The following SMARCAD1 variants were observed in gnomAD, a reference collection of about 807,000 sequenced individuals.
SMARCAD1 encodes SWI/SNF-related matrix-associated actin-dependent regulator of chromatin subfamily A containing DEAD/H box 1.
A neutral mutation model predicts 127.1 loss-of-function variants in SMARCAD1; 25 were observed. That is an observed-to-expected ratio of 0.20 (90% confidence interval 0.14 to 0.27). SMARCAD1 has a LOEUF of 0.27. SMARCAD1 is among the 10% of genes least tolerant of loss of function. The pLI is 1.00. For synonymous variants in SMARCAD1, 400 were observed against 396.9 expected (o/e 1.01, Z -0.09); for missense variants, 807 against 1,206.0 (o/e 0.67, Z 4.90).
chr4:94,224,749 A>G (rs1274995293), intron 2 of SMARCAD1, among the ~76,000 whole-genome samples: 3 of 152,152 alleles, frequency 2.0e-5, no homozygotes, highest in African/African-American at 7.2e-5. Context: ...CTTGGATTTC[A>G]GATCTACTTT....
At chr4:94,241,058 T>C in intron 6 of SMARCAD1, 52 bp downstream of exon 6, 1 of 1,282,930 alleles carries the variant, frequency 7.8e-7, no homozygotes, top group African/African-American at 1.5e-5. Context: ...AAGGTTAGGA[T>C]ATGTGGAGTT....
At chr4:94,218,750 A>G (rs1409066317) in intron 2 of SMARCAD1, among the ~76,000 whole-genome samples, 2 of 152,118 alleles carry the variant, frequency 1.3e-5, no homozygotes, top group Non-Finnish European at 2.9e-5. Context: ...TTAAGATGCT[A>G]AAGGTATTTT....
At chr4:94,225,298 G>T (rs1195097376) in intron 2 of SMARCAD1, among the ~76,000 whole-genome samples, 1 of 147,454 alleles carries the variant, frequency 6.8e-6, no homozygotes, top group Non-Finnish European at 1.5e-5. Flanking sequence ...TCCTTGGCTT[G>T]TAAGGTGATC....
In SMARCAD1 at chr4:94,219,606, A is replaced by C. The variant is rs1339126093; in HGVS notation, c.191-6513A>C. Among the ~76,000 whole-genome samples the C allele has an allele frequency of 2.6e-5, 4 of 152,160 alleles. No individual in the cohort carries two copies. The East Asian group carries it at 5.8e-4, about 22-fold the overall frequency. The stretch of plus-strand genomic sequence containing the variant: ...ACCACTGGTGGGAAATTTCATTTGG[A>C]ATTACTCCCTAGGGCCATGGAGTCT... On this transcript the variant is annotated intron_variant, in intron 2 of 23. Coordinates refer to ENST00000354268, the MANE Select transcript of SMARCAD1 (RefSeq NM_020159.5).
intron 19 of SMARCAD1, among the ~76,000 whole-genome samples, chr4:94,279,282 G>A (rs1032229830): frequency 2.0e-5 from 3 of 152,138 alleles, no homozygotes; most frequent in African/African-American, 7.2e-5. Context: ...GAATAGCTGG[G>A]ACTACAGGCA....
chr4:94,249,165 T>A (rs1215642008), intron 6 of SMARCAD1, among the ~76,000 whole-genome samples: 1 of 152,130 alleles, frequency 6.6e-6, no homozygotes, highest in Non-Finnish European at 1.5e-5. Flanking sequence ...TATCATTGTT[T>A]CAGTTTTATG....
chr4:94,273,737 CTG>C, intron 12 of SMARCAD1, 21 bp downstream of exon 12: 1 of 1,562,480 alleles, frequency 6.4e-7, no homozygotes, highest in Admixed American at 1.7e-5. Flanking sequence ...CTGGAGACAA[CTG>C]TATTTAACTT....
At chr4:94,281,314 G>A (rs995881807) in intron 20 of SMARCAD1, among the ~76,000 whole-genome samples, 158 bp from the exon 21 acceptor site, 1 of 152,158 alleles carries the variant, frequency 6.6e-6, no homozygotes, top group Non-Finnish European at 1.5e-5. Flanking sequence ...TACGTCTTCG[G>A]TATTACTGAT....
chr4:94,210,929 CAAAAAA>C (rs747690168), intron 2 of SMARCAD1, among the ~76,000 whole-genome samples: 1 of 57,048 alleles, frequency 1.8e-5, no homozygotes, highest in South Asian at 9.6e-4. Flanking sequence ...GACTGTATCT[CAAAAAA>C]AAAAAAAAAA....
rs368082182 is a variant in SMARCAD1 at position 94,212,946 on chromosome 4, T to A, written c.190+4362T>A. ...ATACACTTAACCTCTGCCCCCTGAT[T>A]TATTTTACTCTTCTCGGTGCCCAAA... On this transcript the variant is annotated intron_variant, in intron 2 of 23. Transcript: ENST00000354268. The A allele has an allele frequency of 4.6e-5, 28 of 610,130 alleles. No homozygotes were observed. In the East Asian group the frequency reaches 1.1e-3, roughly 23 times the overall value. The allele number at this position is 610,130 out of a possible 1,614,324, so 37.8% of individuals were successfully genotyped here.
At chr4:94,276,622 G>GATAGTAA (rs1396299677) in intron 15 of SMARCAD1, 148 bp downstream of exon 15, 1 of 1,016,752 alleles carries the variant, frequency 9.8e-7, no homozygotes, top group African/African-American at 1.6e-5. Flanking sequence ...TAAAAGGGAA[G>GATAGTAA]ATAGTAAATA....
chr4:94,273,356 C>G (rs1752819387), intron 11 of SMARCAD1, among the ~76,000 whole-genome samples: 1 of 152,152 alleles, frequency 6.6e-6, no homozygotes, highest in Non-Finnish European at 1.5e-5. Flanking sequence ...TGCAAAAAGT[C>G]TTCCATATTA....
At chr4:94,220,440 G>A (rs961401448) in intron 2 of SMARCAD1, among the ~76,000 whole-genome samples, 1 of 152,020 alleles carries the variant, frequency 6.6e-6, no homozygotes, top group Non-Finnish European at 1.5e-5. Flanking sequence ...TAGACACAGG[G>A]TTTCACCACA....
At chr4:94,237,105 T>G in intron 5 of SMARCAD1, 87 bp downstream of exon 5, 1 of 1,067,038 alleles carries the variant, frequency 9.4e-7, no homozygotes, top group Non-Finnish European at 1.4e-6. Flanking sequence ...CCACAGTTTA[T>G]CAAACACCTT....
Position 94,226,223 on chromosome 4 carries a change from G to A in SMARCAD1, c.295G>A (p.Glu99Lys). 1 of 1,613,264 alleles carries A rather than the reference G, an allele frequency of 6.2e-7. No homozygotes were observed. Among genetic ancestry groups the A allele is most frequent in the Non-Finnish European group, 8.5e-7 (1 of 1,179,420 alleles). ...GTATATTGATTTGTCTTCTGATAGT[G>A]AAGATGTCGTTTCCCCAAATTGCTC... ...IQYIDLSSDS[E>K]DVVSPNCSNT... Residue 99 changes from glutamate to lysine, a missense_variant, in exon 3 of 24, where the codon GAA becomes AAA. By Grantham distance (56) the Glu-to-Lys change is moderately conservative. Around this residue, in one of 8 missense-constraint regions of SMARCAD1, gnomAD observed 175 missense variants for 169.5 expected, o/e 1.03. Transcript: ENST00000354268.
At chr4:94,241,080 T>C (rs1747507588) in intron 6 of SMARCAD1, 74 bp downstream of exon 6, 1 of 1,007,852 alleles carries the variant, frequency 9.9e-7, no homozygotes, top group East Asian at 2.5e-5. Flanking sequence ...GTGGATATTA[T>C]TAGACCTGAA....
intron 2 of SMARCAD1, among the ~76,000 whole-genome samples, chr4:94,223,141 T>C (rs1744421682): frequency 6.6e-6 from 1 of 152,146 alleles, no homozygotes; most frequent in South Asian, 2.1e-4. Flanking sequence ...AGATTATTCT[T>C]CATTTTTTAT....
intron 10 of SMARCAD1, 70 bp from the exon 11 acceptor site, chr4:94,270,658 C>T (rs1752424988): frequency 5.3e-6 from 7 of 1,330,924 alleles, no homozygotes; most frequent in South Asian, 4.7e-5. Context: ...TTTTTATGTG[C>T]ATTGTAATAA....
chr4:94,237,171 A>G (rs1746793401), intron 5 of SMARCAD1, among the ~76,000 whole-genome samples, 153 bp downstream of exon 5: 2 of 152,160 alleles, frequency 1.3e-5, no homozygotes, highest in South Asian at 4.1e-4. Context: ...TTTTCCCTAA[A>G]AAGGGAAGAA....
Sources: gnomAD v4.1 joint callset for allele counts (sites outside exome capture counted in the v4.1 genomes callset) on GRCh38, gnomAD v4.1.1 for gene constraint, gnomAD v4.1.1 regional missense constraint, MANE v1.5 for transcripts, NCBI Gene and HGNC (gene_info 2026-07-23, HGNC 2026-07-21) for gene names.